The following SLC6A19 variants were observed in gnomAD, a reference collection of about 807,000 sequenced individuals.
The protein encoded by SLC6A19 is sodium-dependent neutral amino acid transporter B(0)AT1.
In SLC6A19, 67 loss-of-function variants were observed where a neutral mutation model predicts 68.3. The observed-to-expected ratio is 0.98, with a 90% CI of 0.81 to 1.20. SLC6A19 has a LOEUF of 1.20. Among genes scored for constraint, SLC6A19 ranks in the 50% most tolerant of loss-of-function variants. SLC6A19 has a pLI of 0.00. For synonymous variants in SLC6A19, 392 were observed against 374.9 expected, an observed-to-expected ratio of 1.05 and a Z score of -0.53; for missense variants, 813 against 851.6, an observed-to-expected ratio of 0.95 and a Z score of 0.56.
At position 1,222,072 on chromosome 5, in the gene SLC6A19, G is replaced by A. The variant is rs368794909; in HGVS notation, c.*168G>A. The A allele has an allele frequency of 2.4e-4, 177 of 747,350 alleles. 2 individuals are homozygous for A. Among genetic ancestry groups the A allele is most frequent in the South Asian group, 1.6e-3 (91 of 57,048 alleles). The allele number at this position is 747,350 out of a possible 1,614,324, so 46.3% of individuals were successfully genotyped here. ...TGTGCCATGTGTGCAGATATGTATCGTGTGTGCATGTACATGCATGGGCAC... is the reference window on the plus strand; with the variant it reads ...TGTGCCATGTGTGCAGATATGTATCATGTGTGCATGTACATGCATGGGCAC... On this transcript the variant is annotated 3_prime_UTR_variant, in exon 12 of 12. Transcript: ENST00000304460.
chr5:1,219,515 C>T lies in SLC6A19; in HGVS notation c.1389C>T (p.Cys463=). The T allele has an allele frequency of 6.2e-7, 1 of 1,611,728 alleles. No individual in the cohort carries two copies. The highest frequency in any genetic ancestry group is 1.3e-5 in the African/African-American group (1 of 75,082). ...TCCCCCGGCCTGCAGGCCTCATCTG[C>T]CTGGGGACATTCCTCATTGGCTTCA... ...WPKEVLTGLI[C]LGTFLIGFIF... The change falls in exon 10 of 12, where the codon TGC becomes TGT. Residue 463 remains cysteine, a synonymous_variant. Transcript: ENST00000304460.
intron 1 of SLC6A19, among the ~76,000 whole-genome samples, chr5:1,207,661 T>C (rs1054089991): frequency 6.6e-6 from 1 of 152,208 alleles, no homozygotes; most frequent in Non-Finnish European, 1.5e-5. Flanking sequence ...CATCCCTATC[T>C]TCTATCTATT....
chr5:1,212,378 C>G lies in SLC6A19; in HGVS notation c.557C>G (p.Ser186Cys), dbSNP rs778676022. 1.2e-6 allele frequency: 2 copies of G among 1,613,518 alleles called. No individual in the cohort carries two copies. The highest frequency in any genetic ancestry group is 8.5e-7 in the Non-Finnish European group (1 of 1,179,966). The change falls in exon 4 of 12, where the codon TCC (serine) becomes TGC (cysteine). Residue 186 changes from serine (S) to cysteine (C), a missense_variant. Ser to Cys is a moderately radical substitution (Grantham distance 112, BLOSUM62 -1). Coordinates refer to ENST00000304460, the MANE Select transcript of SLC6A19 (RefSeq NM_001003841.3). This position sits in a 1 kb window ranked among gnomAD's most constrained non-coding sequence, Gnocchi z 5.1. ...CGAGAGACGCTCAACATCTCCACGT[C>G]CATCAGCGACTCGGGCTCCATCCAG... ...WYRETLNIST[S>C]ISDSGSIQWW... is the part of the protein sequence containing the mutation.
rs761568888 is a variant in SLC6A19, at chr5:1,217,094, G to A, written c.1173+149G>A. On this transcript the variant is annotated intron_variant, in intron 8 of 11. Transcript: ENST00000304460. ...GCTCCCACTGTCTGCTCTGCCTGGC[G>A]TCCAGGGCTCTTCGGTCTGGGGCGC... 542 of 1,298,258 alleles carry A rather than the reference G, an allele frequency of 4.2e-4. 1 individual carries two copies. The highest frequency in any genetic ancestry group is 1.3e-3 in the Admixed American group (65 of 49,522). The allele number at this position is 1,298,258 out of a possible 1,614,324, so 80.4% of individuals were successfully genotyped here. A position where few individuals can be genotyped will look rare whatever the true frequency, so the allele number is the denominator to read the frequency against.
chr5:1,222,147 GTA>G lies in SLC6A19; in HGVS notation c.*245_*246del. On this transcript the variant is annotated 3_prime_UTR_variant, in exon 12 of 12. Coordinates refer to ENST00000304460, the MANE Select transcript of SLC6A19 (RefSeq NM_001003841.3). ...CACATATACATGTGTGTGGGTGTGT[GTA>G]TTGTATGTGCATGTGCCATGTGTGC... The G allele has an allele frequency of 5.0e-6, 3 of 602,572 alleles. No homozygotes were observed. The highest frequency in any genetic ancestry group is 8.9e-6 in the Non-Finnish European group (3 of 338,284). 37.3% of individuals were successfully genotyped at this position (602,572 alleles called of 1,614,324 possible).
rs72544113 is a variant in SLC6A19, at chr5:1,224,991, C to T, written c.*3087C>T. 387 of 156,096 alleles carry T rather than the reference C, an allele frequency of 2.5e-3. 8 individuals carry two copies. Among genetic ancestry groups the T allele is most frequent in the Admixed American group, 0.017 (280 of 16,092 alleles). The allele number at this position is 156,096 out of a possible 1,614,324, so 9.7% of individuals were successfully genotyped here. Reference sequence around the variant, plus strand: ...CCAAGAGCAGCTGAGAGGATCCCTGCGGGAATCCGGGCTTCGGGTGCATGC... The same window carrying T: ...CCAAGAGCAGCTGAGAGGATCCCTGTGGGAATCCGGGCTTCGGGTGCATGC... On this transcript the variant is annotated 3_prime_UTR_variant, in exon 12 of 12. Transcript: ENST00000304460.
rs1196140758 is a variant in SLC6A19, at chr5:1,214,477, C to T, written c.887+412C>T. On this transcript the variant is annotated intron_variant, in intron 6 of 11. Coordinates refer to ENST00000304460, the MANE Select transcript of SLC6A19 (RefSeq NM_001003841.3). This position sits in a 1 kb window ranked among gnomAD's most constrained non-coding sequence, Gnocchi z 7.4. ...GTCTGATCCTTCCACTGCCCCTTCC[C>T]CACGTACCCACTGCGCTTCCCAATG... 1.3e-5 allele frequency among the ~76,000 whole-genome samples: 2 copies of T among 152,240 alleles called. No homozygotes were observed. The highest frequency in any genetic ancestry group is 1.3e-4 in the Admixed American group (2 of 15,288).
At chr5:1,205,521 C>T (rs10072823) in intron 1 of SLC6A19, among the ~76,000 whole-genome samples, 72,335 of 151,956 alleles carry the variant, frequency 0.48, 18,008 homozygotes, top group Non-Finnish European at 0.57. Context: ...CCGGAGGAAC[C>T]TTCAGAAAGG....
Position 1,216,540 on chromosome 5 carries a change from C to T in SLC6A19, c.888-18C>T, listed in dbSNP as rs1746212763. The T allele has an allele frequency of 6.2e-7, 1 of 1,614,014 alleles. No individual in the cohort carries two copies. Among genetic ancestry groups the T allele is most frequent in the East Asian group, 2.2e-5 (1 of 44,886 alleles). ...GGGACCTCATCGCCAGCCGCCATGA[C>T]ACTGGTCTCGTCTGCAGCAACAACT... is the stretch of plus-strand genomic sequence containing the variant. On this transcript the variant is annotated intron_variant, in intron 6 of 11. Transcript: ENST00000304460.
intron 5 of SLC6A19, 34 bp from the exon 6 acceptor site, chr5:1,213,919 A>C: frequency 6.2e-7 from 1 of 1,610,916 alleles, no homozygotes; most frequent in Non-Finnish European, 8.5e-7. Flanking sequence ...CCCCATCTGC[A>C]CCATGAGTGG....
chr5:1,213,879 C>CT, intron 5 of SLC6A19, 74 bp from the exon 6 acceptor site: 1 of 1,574,838 alleles, frequency 6.3e-7, no homozygotes, highest in South Asian at 1.1e-5. Flanking sequence ...CCCCGCCTCC[C>CT]TGGGAGCACA....
intron 2 of SLC6A19, 96 bp downstream of exon 2, chr5:1,208,982 G>A: frequency 1.4e-6 from 2 of 1,458,694 alleles, no homozygotes; most frequent in Non-Finnish European, 1.8e-6. Flanking sequence ...CGGCCTCGGT[G>A]CCCCTGCTCT....
chr5:1,204,563 G>A (rs190040347), intron 1 of SLC6A19, among the ~76,000 whole-genome samples: 5 of 152,308 alleles, frequency 3.3e-5, no homozygotes, highest in Admixed American at 6.5e-5. Flanking sequence ...TGGCGCAGGC[G>A]GAGACGCATT....
chr5:1,214,421 G>T lies in SLC6A19; in HGVS notation c.887+356G>T, dbSNP rs1414758923. ...CATCCCAGGCCCCCAGACATGTGGC[G>T]CCCCCGACGCCCTCCACGTCCCCGA... is the stretch of plus-strand genomic sequence containing the variant. On this transcript the variant is annotated intron_variant, in intron 6 of 11. Transcript: ENST00000304460. This position sits in a 1 kb window ranked among gnomAD's most constrained non-coding sequence, Gnocchi z 7.4. Among the ~76,000 whole-genome samples the T allele has an allele frequency of 6.6e-6, 1 of 152,012 alleles. No individual in the cohort carries two copies. The highest frequency in any genetic ancestry group is 6.5e-5 in the Admixed American group (1 of 15,268).
intron 6 of SLC6A19, among the ~76,000 whole-genome samples, chr5:1,216,229 G>T (rs542391677): frequency 6.6e-6 from 1 of 152,326 alleles, no homozygotes; most frequent in South Asian, 2.1e-4. Context: ...GAGGCTTGAC[G>T]GAGGTTACCG....
rs571787692 is a variant in SLC6A19 at position 1,215,403 on chromosome 5, C to T, written c.888-1155C>T. Among the ~76,000 whole-genome samples, 3 of 152,318 alleles carry T rather than the reference C, an allele frequency of 2.0e-5. No individual in the cohort carries two copies. Among genetic ancestry groups the T allele is most frequent in the East Asian group, 3.9e-4 (2 of 5,186 alleles). On this transcript the variant is annotated intron_variant, in intron 6 of 11. Coordinates refer to ENST00000304460, the MANE Select transcript of SLC6A19 (RefSeq NM_001003841.3). This position sits in a 1 kb window ranked among gnomAD's most constrained non-coding sequence, Gnocchi z 5.1. ...AGCTCCACATATGTGAGCAGCCGCT[C>T]CCCAGTGCCCTGTCCTCCTGCCCCG...
At chr5:1,221,022 C>T (rs879840876) in intron 10 of SLC6A19, 129 bp from the exon 11 acceptor site, 186 of 1,154,076 alleles carry the variant, frequency 1.6e-4, no homozygotes, top group Middle Eastern at 2.3e-4. Context: ...AGGGAGGGAT[C>T]GGGCCCTGGC....
rs1746072993 is a variant in SLC6A19 at position 1,212,515 on chromosome 5, G to A, written c.663+31G>A. On this transcript the variant is annotated intron_variant, in intron 4 of 11. Transcript: ENST00000304460. This position sits in a 1 kb window ranked among gnomAD's most constrained non-coding sequence, Gnocchi z 5.1. ...GCATGGGCCCGGCCAGGCTGCAGGTGCTCCAGAGGGCGGGTGCGGGCAGCC... is the reference window on the plus strand; with the variant it reads ...GCATGGGCCCGGCCAGGCTGCAGGTACTCCAGAGGGCGGGTGCGGGCAGCC... 1 of 1,601,986 alleles carries A rather than the reference G, an allele frequency of 6.2e-7. No homozygotes were observed. The highest frequency in any genetic ancestry group is 8.5e-7 in the Non-Finnish European group (1 of 1,179,506).
rs1255317751 is a variant in SLC6A19, at chr5:1,201,802, G to C, written c.152G>C (p.Gly51Ala). The C allele has an allele frequency of 6.2e-7, 1 of 1,612,522 alleles. No individual in the cohort carries two copies. The highest frequency in any genetic ancestry group is 8.5e-7 in the Non-Finnish European group (1 of 1,179,894). The stretch of plus-strand genomic sequence containing the variant: ...CTCACCTGCCTGGGCTTCTGCGTGG[G>C]CCTCGGCAACGTGTGGCGCTTCCCC... ...YMLTCLGFCV[G>A]LGNVWRFPYL... Residue 51 changes from glycine (G) to alanine (A), a missense_variant, in exon 1 of 12, where the codon GGC (glycine) becomes GCC (alanine). Coordinates refer to ENST00000304460, the MANE Select transcript of SLC6A19 (RefSeq NM_001003841.3).
Sources: allele counts gnomAD v4.1 joint callset (sites outside exome capture counted in the v4.1 genomes callset), GRCh38; gene constraint gnomAD v4.1.1; non-coding constraint Gnocchi (gnomAD v3.1); transcripts MANE v1.5; gene names NCBI Gene and HGNC (gene_info 2026-07-23, HGNC 2026-07-21).